Variants in SOX6 observed in about 807,000 individuals in gnomAD.
The protein encoded by SOX6 is SRY-box transcription factor 6, also known as transcription factor SOX-6.
SOX6 carries 11 observed loss-of-function variants against 97.8 expected under a neutral mutation model. The ratio of observed to expected loss-of-function variants is 0.11; its 90% CI spans 0.07 to 0.19. SOX6 has a LOEUF of 0.19. Ranked by LOEUF, SOX6 falls within the 10% of genes least tolerant of loss-of-function variation. SOX6 has a pLI of 1.00. For synonymous variants in SOX6, 360 were observed against 371.4 expected, an observed-to-expected ratio of 0.97 and a Z score of 0.35; for missense variants, 810 against 1,039.5, an observed-to-expected ratio of 0.78 and a Z score of 3.04.
At chr11:15,996,272 ATT>A (rs1854222468) in intron 13 of SOX6, among the ~76,000 whole-genome samples, 1 of 152,202 alleles carries the variant, frequency 6.6e-6, no homozygotes, top group South Asian at 2.1e-4. Flanking sequence ...AAGTGGTAAA[ATT>A]TTAACTGTAA....
intron 12 of SOX6, among the ~76,000 whole-genome samples, chr11:16,043,703 C>T (rs1855743543): frequency 1.3e-5 from 2 of 152,142 alleles, no homozygotes; most frequent in Admixed American, 1.3e-4. Context: ...ATGTAACAAG[C>T]TACAGTGGAC....
At chr11:16,069,920 G>T (rs1331187667) in intron 9 of SOX6, among the ~76,000 whole-genome samples, 2 of 152,206 alleles carry the variant, frequency 1.3e-5, no homozygotes, top group Non-Finnish European at 2.9e-5. Flanking sequence ...ACTTTGGGAG[G>T]TTGAGGCAGG....
intron 4 of SOX6, among the ~76,000 whole-genome samples, chr11:16,596,231 C>A (rs956210567): frequency 2.0e-5 from 3 of 152,152 alleles, no homozygotes; most frequent in Non-Finnish European, 4.4e-5. Flanking sequence ...TATTAATAAG[C>A]CACTTACTGT....
At chr11:16,103,825 G>A (rs1849009367) in intron 7 of SOX6, among the ~76,000 whole-genome samples, 2 of 151,416 alleles carry the variant, frequency 1.3e-5, no homozygotes, top group Non-Finnish European at 2.9e-5. Context: ...TCAGCTATGA[G>A]GAATGCAAAG....
At chr11:16,684,441 G>A (rs960519062) in intron 3 of SOX6, among the ~76,000 whole-genome samples, 3 of 152,186 alleles carry the variant, frequency 2.0e-5, no homozygotes, top group Non-Finnish European at 4.4e-5. Context: ...GGACATGGAT[G>A]AAGCTGGAAA....
At chr11:16,486,402 TC>T (rs1860434619) in intron 4 of SOX6, among the ~76,000 whole-genome samples, 1 of 152,208 alleles carries the variant, frequency 6.6e-6, no homozygotes, top group African/African-American at 2.4e-5. Context: ...TTTTTTAAGA[TC>T]TTTTTTTTCT....
intron 4 of SOX6, among the ~76,000 whole-genome samples, chr11:16,551,870 G>T (rs1419364863): frequency 6.6e-6 from 1 of 152,094 alleles, no homozygotes; most frequent in African/African-American, 2.4e-5. Flanking sequence ...CTCCCAAAGT[G>T]CTGGGATTAC....
At chr11:16,001,621 GC>G (rs1224089536) in intron 13 of SOX6, among the ~76,000 whole-genome samples, 2 of 152,130 alleles carry the variant, frequency 1.3e-5, no homozygotes, top group African/African-American at 4.8e-5. Context: ...CTTTAAGGAT[GC>G]CACTTCCCTG....
At chr11:16,456,627 C>T (rs1228182480) in intron 1 of SOX6, among the ~76,000 whole-genome samples, 1 of 152,076 alleles carries the variant, frequency 6.6e-6, no homozygotes, top group Non-Finnish European at 1.5e-5. Context: ...GGATCAACAG[C>T]ATTATGTACA....
In SOX6 at chr11:16,488,537, T is replaced by C. The variant is rs1013582755; in HGVS notation, n.610-12149A>G. Among the ~76,000 whole-genome samples, 17 of 152,112 alleles carry C rather than the reference T, an allele frequency of 1.1e-4. 1 individual carries two copies. The highest frequency in any genetic ancestry group is 5.9e-5 in the Non-Finnish European group (4 of 67,968). On this transcript the variant is annotated intron_variant and non_coding_transcript_variant, in intron 4 of 5. Transcript: ENST00000524520. Reference sequence around the variant, plus strand: ...TGAGCTCAAGTCACATCTTAGGTGATGTGGTGGCTAGTATAGTCATCCACT... The same window carrying C: ...TGAGCTCAAGTCACATCTTAGGTGACGTGGTGGCTAGTATAGTCATCCACT...
chr11:16,312,797 A>AT (rs1855643420), intron 3 of SOX6: 2 of 152,322 alleles, frequency 1.3e-5, no homozygotes, highest in Middle Eastern at 3.4e-3. Context: ...CTATATTGGC[A>AT]ACAAGACGGG....
Position 16,046,656 on chromosome 11 carries a change from T to C in SOX6, c.1481A>G (p.Asp494Gly). Residue 494 changes from aspartate (D) to glycine (G), a missense_variant, in exon 12 of 16, where the codon GAT (aspartate) becomes GGT (glycine). This residue lies in a region of SOX6 where 14 missense variants were observed against 36.0 expected (regional missense o/e 0.39). Transcript: ENST00000683767. ...LNSPALFGDQ[D>G]TVMKAIQEAR... ...CTCCTGAATGGCTTTCATCACTGTA[T>C]CCTGATCCCCAAAAAGGGCAGGGGA... 6.2e-7 allele frequency: 1 copy of C among 1,613,730 alleles called. No individual in the cohort carries two copies. Among genetic ancestry groups the C allele is most frequent in the Non-Finnish European group, 8.5e-7 (1 of 1,179,756 alleles).
intron 9 of SOX6, among the ~76,000 whole-genome samples, chr11:16,064,088 C>T (rs1025122860): frequency 2.0e-5 from 3 of 151,730 alleles, no homozygotes; most frequent in Non-Finnish European, 4.4e-5. Flanking sequence ...GGTAACAGCA[C>T]CACCAGTCAC....
intron 1 of SOX6, among the ~76,000 whole-genome samples, chr11:16,376,600 T>C (rs921747752): frequency 4.6e-5 from 7 of 152,112 alleles, no homozygotes; most frequent in African/African-American, 1.4e-4. Flanking sequence ...CATATGCAAA[T>C]TGAGTTTTAA....
At chr11:16,148,607 T>C (rs1589974945) in intron 6 of SOX6, among the ~76,000 whole-genome samples, 1 of 152,252 alleles carries the variant, frequency 6.6e-6, no homozygotes, top group East Asian at 1.9e-4. Flanking sequence ...GGCACTTTTT[T>C]CCTGCCGTAG....
intron 1 of SOX6, among the ~76,000 whole-genome samples, chr11:16,412,788 C>A (rs1858848230): frequency 6.6e-6 from 1 of 152,162 alleles, no homozygotes; most frequent in Admixed American, 6.5e-5. Flanking sequence ...AGATGACTAT[C>A]AGAAGCTCAA....
At chr11:16,449,906 G>A (rs73433565) in intron 1 of SOX6, among the ~76,000 whole-genome samples, 158 of 152,190 alleles carry the variant, frequency 1.0e-3, no homozygotes, top group African/African-American at 3.4e-3. Flanking sequence ...CAAAATGAGA[G>A]TTCAAAATCA....
At chr11:16,696,569 A>G (rs1039014868) in intron 3 of SOX6, among the ~76,000 whole-genome samples, 1 of 152,252 alleles carries the variant, frequency 6.6e-6, no homozygotes, top group East Asian at 1.9e-4. Context: ...GAATGCATAT[A>G]AAAGTTTTGT....
intron 6 of SOX6, among the ~76,000 whole-genome samples, chr11:16,169,084 G>A (rs1004477614): frequency 2.6e-5 from 4 of 151,666 alleles, no homozygotes; most frequent in Admixed American, 2.6e-4. Context: ...TAATATTTGG[G>A]GAATTTTTAA....
Sources: gnomAD v4.1 joint callset for allele counts (sites outside exome capture counted in the v4.1 genomes callset) on GRCh38, gnomAD v4.1.1 for gene constraint, gnomAD v4.1.1 regional missense constraint, MANE v1.5 for transcripts, NCBI Gene and HGNC (gene_info 2026-07-23, HGNC 2026-07-21) for gene names.